Variants in FANCC observed in about 807,000 individuals in gnomAD.
FANCC encodes the protein Fanconi anemia group C protein.
A neutral mutation model predicts 71.3 loss-of-function variants in FANCC; 55 were observed. The observed-to-expected ratio is 0.77, with a 90% CI of 0.62 to 0.97. FANCC has a LOEUF of 0.97. FANCC is among the 50% of genes least tolerant of loss of function. FANCC has a pLI of 0.00. For missense variants in FANCC, 678 were observed against 670.9 expected (o/e 1.01, Z -0.12); for synonymous variants, 275 against 244.9 (o/e 1.12, Z -1.15).
intron 4 of FANCC, among the ~76,000 whole-genome samples, chr9:95,179,512 A>G (rs894098292): frequency 5.3e-5 from 8 of 152,038 alleles, no homozygotes; most frequent in Admixed American, 4.6e-4. Context: ...ACGCCCAGCT[A>G]ATTTTTGTGT....
At chr9:95,275,588 G>C (rs1832987762) in intron 1 of FANCC, among the ~76,000 whole-genome samples, 1 of 151,994 alleles carries the variant, frequency 6.6e-6, no homozygotes, top group African/African-American at 2.4e-5. Flanking sequence ...TTATGCATGT[G>C]GGGGCATGGG....
At chr9:95,102,827 A>G (rs1201548685) in intron 14 of FANCC, among the ~76,000 whole-genome samples, 2 of 152,218 alleles carry the variant, frequency 1.3e-5, no homozygotes, top group African/African-American at 4.8e-5. Context: ...ACGCAGAGCT[A>G]AGAGTAAACG....
chr9:95,313,740 T>C (rs1835558263), intron 1 of FANCC, among the ~76,000 whole-genome samples: 1 of 152,128 alleles, frequency 6.6e-6, no homozygotes, highest in African/African-American at 2.4e-5. Flanking sequence ...AATCCAGCAA[T>C]ATGTAAAAAG....
intron 10 of FANCC, among the ~76,000 whole-genome samples, chr9:95,120,006 C>T (rs1396610568): frequency 6.8e-6 from 1 of 146,908 alleles, no homozygotes; most frequent in East Asian, 2.0e-4. Context: ...AGCTATGCCC[C>T]CAGCCTAAAA....
In FANCC at chr9:95,196,184, G is replaced by T. The variant is rs1297525236; in HGVS notation, c.346-24037C>A. Among the ~76,000 whole-genome samples the T allele has an allele frequency of 2.0e-5, 3 of 152,040 alleles. No individual in the cohort carries two copies. The East Asian group carries it at 5.8e-4, about 29-fold the overall frequency. On this transcript the variant is annotated intron_variant, in intron 4 of 14. Coordinates refer to ENST00000289081, the MANE Select transcript of FANCC (RefSeq NM_000136.3). The stretch of plus-strand genomic sequence containing the variant: ...ATCTCCTTGCCTTGTTTCTGGTCTT[G>T]GGGGGAAGTATTCAATCTTTCACTA...
rs527403336 is a variant in FANCC at position 95,301,571 on chromosome 9, G to A, written c.-79+15955C>T. On this transcript the variant is annotated intron_variant, in intron 1 of 14. Transcript: ENST00000289081. ...GCCTCCCTAGTAGCTGGGACCACAGGCATGCACCACCATGCCCAGCTAATT... is the reference window on the plus strand; with the variant it reads ...GCCTCCCTAGTAGCTGGGACCACAGACATGCACCACCATGCCCAGCTAATT... 4.6e-5 allele frequency among the ~76,000 whole-genome samples: 7 copies of A among 152,014 alleles called. No homozygotes were observed. In the East Asian group the frequency reaches 1.4e-3, roughly 29 times the overall value.
chr9:95,163,700 T>A (rs886202366), intron 6 of FANCC, among the ~76,000 whole-genome samples: 1 of 151,992 alleles, frequency 6.6e-6, no homozygotes, highest in Non-Finnish European at 1.5e-5. Context: ...AAATACAAAA[T>A]CATCTGGGCA....
rs533437285 is a variant in FANCC at position 95,124,548 on chromosome 9, T to C, written c.996+538A>G. Among the ~76,000 whole-genome samples, 6 of 152,298 alleles carry C rather than the reference T, an allele frequency of 3.9e-5. No individual in the cohort carries two copies. The East Asian group carries it at 1.2e-3, about 29-fold the overall frequency. ...AACACACACCTCCCGCTCACTGCCC[T>C]TCCTCACTCCCCTTCTAGTTAGTCA... On this transcript the variant is annotated intron_variant, in intron 10 of 14. Transcript: ENST00000289081.
intron 1 of FANCC, among the ~76,000 whole-genome samples, chr9:95,279,274 CA>C (rs1304761868): frequency 6.6e-6 from 1 of 151,524 alleles, no homozygotes; most frequent in African/African-American, 2.4e-5. Flanking sequence ...GCCGAGCTCA[CA>C]CCACTGCACT....
intron 11 of FANCC, among the ~76,000 whole-genome samples, chr9:95,116,413 G>A (rs1159394801): frequency 1.3e-5 from 2 of 152,192 alleles, no homozygotes; most frequent in East Asian, 1.9e-4. Flanking sequence ...ACATCTTCTC[G>A]AAAAAGGAAG....
intron 1 of FANCC, among the ~76,000 whole-genome samples, chr9:95,306,496 T>C (rs1016995914): frequency 6.6e-6 from 1 of 152,200 alleles, no homozygotes; most frequent in East Asian, 1.9e-4. Context: ...TCAGCCCCCC[T>C]TGGACATCGA....
intron 1 of FANCC, among the ~76,000 whole-genome samples, chr9:95,267,462 T>A (rs1172572155): frequency 6.6e-6 from 1 of 152,102 alleles, no homozygotes; most frequent in Non-Finnish European, 1.5e-5. Context: ...GGGGAGAGTG[T>A]GCAGAGAGGG....
chr9:95,121,275 A>G (rs1030492429), intron 10 of FANCC, among the ~76,000 whole-genome samples: 3 of 152,260 alleles, frequency 2.0e-5, no homozygotes, highest in Admixed American at 6.5e-5. Context: ...ATTTCTGCCT[A>G]CTGTCTGATA....
In FANCC at chr9:95,117,371, G is replaced by C. The variant is rs1342340695; in HGVS notation, c.1016C>G (p.Thr339Ser). The change falls in exon 11 of 15, where the codon ACC becomes AGC. Residue 339 changes from threonine to serine, a missense_variant. Coordinates refer to ENST00000289081, the MANE Select transcript of FANCC (RefSeq NM_000136.3). ...ASKQLRFALK[T>S]YFPYTSPSLA... ...AGATGGAGAAGTGTAAGGAAAGTAG[G>C]TCTTGAGTGCAAACCGCAGCTGCCA... The C allele has an allele frequency of 6.2e-7, 1 of 1,614,008 alleles. No homozygotes were observed. Among genetic ancestry groups the C allele is most frequent in the Non-Finnish European group, 8.5e-7 (1 of 1,179,992 alleles).
chr9:95,117,216 C>T, intron 11 of FANCC, 99 bp downstream of exon 11: 2 of 1,040,652 alleles, frequency 1.9e-6, no homozygotes, highest in Non-Finnish European at 3.0e-6. Flanking sequence ...AGTTCTGTCT[C>T]CCTCATGCTG....
At chr9:95,258,640 T>C (rs1467881337) in intron 1 of FANCC, among the ~76,000 whole-genome samples, 1 of 152,196 alleles carries the variant, frequency 6.6e-6, no homozygotes, top group South Asian at 2.1e-4. Context: ...AAGTCAAAGA[T>C]GCCCTCTCTC....
chr9:95,178,232 C>T (rs557721720), intron 4 of FANCC, among the ~76,000 whole-genome samples: 1 of 152,318 alleles, frequency 6.6e-6, no homozygotes, highest in East Asian at 1.9e-4. Context: ...ATCCCAGATG[C>T]TGAGCATCAA....
chr9:95,261,839 C>G (rs193114383), intron 1 of FANCC, among the ~76,000 whole-genome samples: 24 of 152,350 alleles, frequency 1.6e-4, no homozygotes, highest in Non-Finnish European at 3.1e-4. Context: ...CCCACACATG[C>G]TTGATCCTGT....
intron 1 of FANCC, among the ~76,000 whole-genome samples, chr9:95,276,100 T>C (rs62560525): frequency 0.033 from 5,024 of 152,260 alleles, 138 homozygotes; most frequent in Non-Finnish European, 0.044. Context: ...TATGAGGTAT[T>C]ATCTGCTTCC....
Sources: allele counts gnomAD v4.1 joint callset (sites outside exome capture counted in the v4.1 genomes callset), GRCh38; gene constraint gnomAD v4.1.1; transcripts MANE v1.5; gene names NCBI Gene and HGNC (gene_info 2026-07-23, HGNC 2026-07-21).